The following BCKDHB variants were observed in gnomAD, a reference collection of about 807,000 sequenced individuals.
BCKDHB encodes the protein branched chain keto acid dehydrogenase E1 subunit beta.
BCKDHB carries 41 observed loss-of-function variants against 48.5 expected under a neutral mutation model. The observed-to-expected ratio is 0.85, with a 90% CI of 0.66 to 1.10. BCKDHB has a LOEUF of 1.10. Among genes scored for constraint, BCKDHB ranks in the 50% least tolerant of loss-of-function variants. BCKDHB has a pLI of 0.00. For missense variants in BCKDHB, 496 were observed against 494.2 expected (o/e 1.00, Z -0.03); for synonymous variants, 201 against 174.8 (o/e 1.15, Z -1.18).
At chr6:80,188,352 C>T (rs9448908) in intron 6 of BCKDHB, among the ~76,000 whole-genome samples, 55,446 of 152,016 alleles carry the variant, frequency 0.36, 11,979 homozygotes, top group East Asian at 0.56. Flanking sequence ...GGGGATCTAC[C>T]TGAGGGTGGA....
chr6:80,394,900 G>A, the BCKDHB span, among the ~76,000 whole-genome samples: 1 of 152,300 alleles, frequency 6.6e-6, no homozygotes, highest in Admixed American at 6.5e-5. Flanking sequence ...TCTTGTGATA[G>A]TGAGTTCTCA....
intron 3 of BCKDHB, among the ~76,000 whole-genome samples, chr6:80,141,313 T>C (rs1216009471): frequency 6.6e-6 from 1 of 152,094 alleles, no homozygotes; most frequent in Non-Finnish European, 1.5e-5. Flanking sequence ...GAAACAAAGG[T>C]CATGGGTTTT....
intron 1 of BCKDHB, among the ~76,000 whole-genome samples, chr6:80,113,780 G>T (rs1269807271): frequency 6.6e-6 from 1 of 152,174 alleles, no homozygotes; most frequent in East Asian, 1.9e-4. Context: ...CCACAGGGTG[G>T]GAGCCGGCTG....
intron 1 of BCKDHB, among the ~76,000 whole-genome samples, chr6:80,109,974 G>T (rs919326884): frequency 6.6e-6 from 1 of 152,160 alleles, no homozygotes; most frequent in Non-Finnish European, 1.5e-5. Flanking sequence ...CTAAGATTTT[G>T]TCTGTTAAAA....
chr6:80,384,421 C>T, the BCKDHB span, among the ~76,000 whole-genome samples: 30 of 151,568 alleles, frequency 2.0e-4, no homozygotes, highest in African/African-American at 6.3e-4. Flanking sequence ...TGCAATGGCG[C>T]GATCTTGGCA....
rs193080119 is a variant in BCKDHB at position 80,222,532 on chromosome 6, A to T, written c.951+19320A>T. The stretch of plus-strand genomic sequence containing the variant: ...TTTCCCTGGATGGATCTAAGATCTG[A>T]TAAGTCTTTCAACACTGAGTTTACA... On this transcript the variant is annotated intron_variant, in intron 8 of 9. Transcript: ENST00000320393. Among the ~76,000 whole-genome samples, 194 of 152,228 alleles carry T rather than the reference A, an allele frequency of 1.3e-3. 1 individual carries two copies. The highest frequency in any genetic ancestry group is 3.4e-3 in the Middle Eastern group (1 of 294).
In BCKDHB at chr6:80,342,626, CGAAAA is replaced by C. The variant is rs1364468994; in HGVS notation, c.1039-1031_1039-1027del. Among the ~76,000 whole-genome samples the C allele has an allele frequency of 2.7e-5, 3 of 110,510 alleles. No individual in the cohort carries two copies. The East Asian group carries it at 8.5e-4, about 31-fold the overall frequency. The allele number at this position is 110,510 out of a possible 152,430, so 72.5% of individuals were successfully genotyped here. A position where few individuals can be genotyped will look rare whatever the true frequency, so the allele number is the denominator to read the frequency against. ...AAGGGAAGGAAAGGGAAGAAAAAAA[CGAAAA>C]GAAAAGGAACAAAGGAAGGCGTCGG... On this transcript the variant is annotated intron_variant, in intron 9 of 9. Coordinates refer to ENST00000320393, the MANE Select transcript of BCKDHB (RefSeq NM_183050.4).
In BCKDHB at chr6:80,343,621, T is replaced by TA. The variant is rs554612442; in HGVS notation, c.1039-35dup. The TA allele has an allele frequency of 5.2e-4, 840 of 1,607,140 alleles. 1 individual carries two copies. In the African/African-American group the frequency reaches 8.4e-3, roughly 16 times the overall value. On this transcript the variant is annotated intron_variant, in intron 9 of 9. Coordinates refer to ENST00000320393, the MANE Select transcript of BCKDHB (RefSeq NM_183050.4). ...AGTTGCACTATTTCATTTCTGTGAG[T>TA]AAAAAAAATTCTTGAAGTTAAGCAT...
At chr6:80,374,028 A>G in the BCKDHB span, 376 of 646,568 alleles carry the variant, frequency 5.8e-4, no homozygotes, top group Non-Finnish European at 9.5e-4. Flanking sequence ...CTCCCATGCC[A>G]TAAGTTTTTG....
chr6:80,439,124 C>T, the BCKDHB span, among the ~76,000 whole-genome samples: 1 of 152,206 alleles, frequency 6.6e-6, no homozygotes, highest in African/African-American at 2.4e-5. Context: ...GACCCAGACA[C>T]ATCACTTCTG....
chr6:80,435,151 C>T, the BCKDHB span, among the ~76,000 whole-genome samples: 6 of 152,146 alleles, frequency 3.9e-5, no homozygotes, highest in Admixed American at 2.6e-4. Context: ...CTATCCCTAT[C>T]CTAGGGATCA....
chr6:80,379,988 A>G, the BCKDHB span, among the ~76,000 whole-genome samples: 2 of 152,168 alleles, frequency 1.3e-5, no homozygotes, highest in Non-Finnish European at 2.9e-5. Flanking sequence ...AAGAATCAAT[A>G]TTATTAAAAT....
the BCKDHB span, among the ~76,000 whole-genome samples, chr6:80,432,424 T>G: frequency 6.6e-6 from 1 of 152,162 alleles, no homozygotes; most frequent in African/African-American, 2.4e-5. Flanking sequence ...CTTTATTTCA[T>G]TAAGTTGGTC....
At chr6:80,271,282 A>G (rs920955155) in intron 8 of BCKDHB, among the ~76,000 whole-genome samples, 2 of 152,266 alleles carry the variant, frequency 1.3e-5, no homozygotes, top group Admixed American at 6.5e-5. Flanking sequence ...TCATGGCTGC[A>G]TAATACTCTA....
the BCKDHB span, among the ~76,000 whole-genome samples, chr6:80,414,883 G>T: frequency 6.6e-6 from 1 of 151,946 alleles, no homozygotes; most frequent in Non-Finnish European, 1.5e-5. Flanking sequence ...CTTCCTATTC[G>T]GGAGCATGGA....
intron 3 of BCKDHB, among the ~76,000 whole-genome samples, chr6:80,155,480 G>T (rs1455121840): frequency 2.0e-5 from 3 of 152,130 alleles, no homozygotes; most frequent in Non-Finnish European, 2.9e-5. Context: ...TTGACTTTGG[G>T]CTAACCACTT....
chr6:80,419,834 AT>A, the BCKDHB span, among the ~76,000 whole-genome samples: 5 of 151,722 alleles, frequency 3.3e-5, no homozygotes, highest in African/African-American at 7.3e-5. Context: ...TCTTTTAATT[AT>A]TTTTTTTCTT....
chr6:80,273,264 C>A, intron 9 of BCKDHB, 43 bp downstream of exon 9: 2 of 1,467,204 alleles, frequency 1.4e-6, no homozygotes, highest in Non-Finnish European at 1.9e-6. Context: ...TGTGCAATTC[C>A]ACATGCCAAT....
chr6:80,275,298 G>T (rs1223544050), intron 9 of BCKDHB, among the ~76,000 whole-genome samples: 1 of 152,068 alleles, frequency 6.6e-6, no homozygotes, highest in Admixed American at 6.6e-5. Flanking sequence ...TGTAAAGTGT[G>T]TGCACATGCA....
Sources: allele counts gnomAD v4.1 joint callset (sites outside exome capture counted in the v4.1 genomes callset), GRCh38; gene constraint gnomAD v4.1.1; transcripts MANE v1.5; gene names NCBI Gene and HGNC (gene_info 2026-07-23, HGNC 2026-07-21).